The following HLA-DRB5 variants were observed in gnomAD, a reference collection of about 807,000 sequenced individuals.
HLA-DRB5 encodes the protein major histocompatibility complex, class II, DR beta 5.
In HLA-DRB5, 11 loss-of-function variants were observed where a neutral mutation model predicts 22.4. The observed-to-expected ratio is 0.49, with a 90% confidence interval of 0.31 to 0.81. HLA-DRB5 has a LOEUF of 0.81. Among genes scored for constraint, HLA-DRB5 ranks in the 40% least tolerant of loss-of-function variants. The probability of loss-of-function intolerance (pLI) is 0.05; values close to 1 mark genes in which losing one functional copy is unlikely to be tolerated. For missense variants in HLA-DRB5, 106 were observed against 274.4 expected (o/e 0.39, Z 4.34); for synonymous variants, 57 against 106.0 (o/e 0.54, Z 2.84).
At chr6:32,519,115 AC>A (rs1217169178) in intron 3 of HLA-DRB5, among the ~76,000 whole-genome samples, 1 of 122,392 alleles carries the variant, frequency 8.2e-6, no homozygotes, top group Non-Finnish European at 1.7e-5. Flanking sequence ...AGAGGGGGTG[AC>A]CCTGACCTGT....
intron 1 of HLA-DRB5, among the ~76,000 whole-genome samples, chr6:32,524,363 G>A (rs372074906): frequency 0.13 from 12,559 of 95,506 alleles, 45 homozygotes; most frequent in African/African-American, 0.17. Flanking sequence ...CTAATTATCT[G>A]TAGTAGTGAA....
At chr6:32,522,594 T>C (rs111250937) in intron 1 of HLA-DRB5, among the ~76,000 whole-genome samples, 4,410 of 31,902 alleles carry the variant, frequency 0.14, 1,959 homozygotes, top group Middle Eastern at 0.41. Context: ...TGAACACTCC[T>C]TTAGTGATGA....
chr6:32,521,966 C>A lies in HLA-DRB5; in HGVS notation c.309G>T (p.Ala103=). 1.4e-6 allele frequency: 2 copies of A among 1,387,998 alleles called. No homozygotes were observed. The allele number at this position is 1,387,998 out of a possible 1,614,324, so 86.0% of individuals were successfully genotyped here. ...AGTTGTGTCTGCAGTAGGTGTCCAC[C>A]GCGGCGCGCCTGTCTTCCAGGAAGT... is the stretch of plus-strand genomic sequence containing the variant. ...QKDFLEDRRA[A]VDTYCRHNYG... The change falls in exon 2 of 6, where the codon GCG becomes GCT. Residue 103 remains alanine, a synonymous_variant. Coordinates refer to ENST00000374975, the MANE Select transcript of HLA-DRB5 (RefSeq NM_002125.4).
At chr6:32,520,234 G>C (rs143508244) in intron 2 of HLA-DRB5, among the ~76,000 whole-genome samples, 12,936 of 35,592 alleles carry the variant, frequency 0.36, 4,882 homozygotes, top group East Asian at 0.42. Context: ...TCCTTGTACA[G>C]TTTGAGAGAA....
At chr6:32,519,823 G>A (rs147907007) in intron 2 of HLA-DRB5, among the ~76,000 whole-genome samples, 172 bp from the exon 3 acceptor site, 16,154 of 56,910 alleles carry the variant, frequency 0.28, 2,752 homozygotes, top group Middle Eastern at 0.52. Flanking sequence ...CTTTATAGTG[G>A]GGGCTCATCA....
At chr6:32,517,829 G>T in intron 5 of HLA-DRB5, 77 bp from the exon 6 acceptor site, 1 of 445,344 alleles carries the variant, frequency 2.2e-6, no homozygotes, top group Non-Finnish European at 3.5e-6. Flanking sequence ...CAAGGACTCA[G>T]ATGAGAGCAC....
At chr6:32,527,035 A>C in intron 1 of HLA-DRB5, among the ~76,000 whole-genome samples, 1 of 37,886 alleles carries the variant, frequency 2.6e-5, no homozygotes, top group South Asian at 6.0e-4. Context: ...CCTTTACAGT[A>C]ATCCATTAAC....
At chr6:32,529,559 C>T (rs138772213) in intron 1 of HLA-DRB5, among the ~76,000 whole-genome samples, 706 of 68,448 alleles carry the variant, frequency 0.01, 1 homozygote, top group Admixed American at 0.015. Flanking sequence ...AAGCACTAAG[C>T]ATAACTTCTG....
At chr6:32,525,240 C>A (rs58427731) in intron 1 of HLA-DRB5, among the ~76,000 whole-genome samples, 5,724 of 31,672 alleles carry the variant, frequency 0.18, 2,377 homozygotes, top group Admixed American at 0.34. Flanking sequence ...AAATGGGTCA[C>A]TTTTTGCCAA....
chr6:32,528,357 T>C (rs1769886612), intron 1 of HLA-DRB5, among the ~76,000 whole-genome samples: 1 of 123,492 alleles, frequency 8.1e-6, no homozygotes, highest in Non-Finnish European at 1.8e-5. Flanking sequence ...ACCCTCTCTA[T>C]CTTACTCAAA....
chr6:32,524,463 A>C (rs377521776), intron 1 of HLA-DRB5, among the ~76,000 whole-genome samples: 5,065 of 75,308 alleles, frequency 0.067, no homozygotes, highest in Middle Eastern at 0.1. Flanking sequence ...GCAGGCATCA[A>C]ATTACCAGCC....
rs552368468 is a variant in HLA-DRB5, at chr6:32,526,327, T to C, written c.100+3798A>G. Among the ~76,000 whole-genome samples, 59 of 22,270 alleles carry C rather than the reference T, an allele frequency of 2.6e-3. 2 individuals are homozygous for C. Among genetic ancestry groups the C allele is most frequent in the South Asian group, 7.0e-3 (6 of 862 alleles). The allele number at this position is 22,270 out of a possible 152,430, so 14.6% of individuals were successfully genotyped here. ...AAATCTATTTTTCTTGACTTACACA[T>C]ATGATGTAATCTTGGTTTTTTCCCA... On this transcript the variant is annotated intron_variant, in intron 1 of 5. Transcript: ENST00000374975.
intron 1 of HLA-DRB5, among the ~76,000 whole-genome samples, chr6:32,525,162 CT>C (rs1769453817): frequency 1.5e-5 from 1 of 67,508 alleles, no homozygotes; most frequent in South Asian, 4.3e-4. Flanking sequence ...CAAGTCACTA[CT>C]CACTAATGAT....
At chr6:32,519,986 TTTACTGGTTGATGCTGG>T (rs200199605) in intron 2 of HLA-DRB5, among the ~76,000 whole-genome samples, 1,542 of 41,990 alleles carry the variant, frequency 0.037, 14 homozygotes, top group Middle Eastern at 0.14. Context: ...AGGTCTGCCT[TTTACTGGTTGATGCTGG>T]AAGAGTTTTT....
chr6:32,519,217 A>AT (rs372300291), intron 3 of HLA-DRB5, among the ~76,000 whole-genome samples, 153 bp downstream of exon 3: 32,931 of 74,426 alleles, frequency 0.44, 5,108 homozygotes, highest in Admixed American at 0.5. Context: ...TCTAGAAACT[A>AT]TACAGGGCTA....
intron 1 of HLA-DRB5, among the ~76,000 whole-genome samples, chr6:32,527,320 G>T (rs545456239): frequency 2.6e-5 from 1 of 37,884 alleles, no homozygotes; most frequent in East Asian, 7.1e-4. Context: ...CCAACATGGT[G>T]AAACCCTGTC....
intron 1 of HLA-DRB5, 104 bp downstream of exon 1, chr6:32,530,019 AAG>A (rs1562458026): frequency 0.043 from 23,566 of 546,460 alleles, 2,058 homozygotes; most frequent in South Asian, 0.11. Context: ...GCAATCTCTG[AAG>A]AAAATGTCAC....
Position 32,522,149 on chromosome 6 carries a change from A to G in HLA-DRB5, c.126T>C (p.Tyr42=), listed in dbSNP as rs1562435218. 8.4e-6 allele frequency: 8 copies of G among 951,112 alleles called. 1 individual carries two copies. The South Asian group carries it at 8.5e-5, about 10-fold the overall frequency. The allele number at this position is 951,112 out of a possible 1,614,324, so 58.9% of individuals were successfully genotyped here. ...CCGTCCCGTTGAAGAAATGACACTC[A>G]TACTTATCCTGCTGCAAGAAACGTG... ...TRPRFLQQDK[Y]ECHFFNGTER... The change falls in exon 2 of 6, where the codon TAT becomes TAC. Residue 42 remains tyrosine (Y), a synonymous_variant. Transcript: ENST00000374975.
In HLA-DRB5 at chr6:32,522,131, G is replaced by A. The variant is rs72508440; in HGVS notation, c.144C>T (p.Asn48=). 0.33 allele frequency: 255,160 copies of A among 780,844 alleles called. 72,590 individuals are homozygous for A. Among genetic ancestry groups the A allele is most frequent in the Admixed American group, 0.45 (15,442 of 34,380 alleles). The allele number at this position is 780,844 out of a possible 1,614,324, so 48.4% of individuals were successfully genotyped here. ...GCAGGAACCGCACCCGCTCCGTCCC[G>A]TTGAAGAAATGACACTCATACTTAT... is the stretch of plus-strand genomic sequence containing the variant. ...QQDKYECHFF[N]GTERVRFLHR... Residue 48 remains asparagine (N), a synonymous_variant, in exon 2 of 6, where the codon AAC becomes AAT. Coordinates refer to ENST00000374975, the MANE Select transcript of HLA-DRB5 (RefSeq NM_002125.4).
Sources: allele counts gnomAD v4.1 joint callset (sites outside exome capture counted in the v4.1 genomes callset), GRCh38; gene constraint gnomAD v4.1.1; transcripts MANE v1.5; gene names NCBI Gene and HGNC (gene_info 2026-07-23, HGNC 2026-07-21).